The following IL10RB variants were observed in gnomAD, a reference collection of about 807,000 sequenced individuals.
The protein encoded by IL10RB is interleukin-10 receptor subunit beta.
Under a neutral mutation model 38.7 loss-of-function variants are expected in IL10RB, and 30 were observed. That is an observed-to-expected ratio of 0.78 (90% CI 0.58 to 1.05). The LOEUF (loss-of-function observed/expected upper bound fraction) is 1.05. IL10RB is among the 50% of genes least tolerant of loss of function. IL10RB has a pLI of 0.00. For missense variants in IL10RB, 328 were observed against 397.1 expected (o/e 0.83, Z 1.48); for synonymous variants, 142 against 145.9 (o/e 0.97, Z 0.19).
chr21:33,286,652 A>T (rs1339069232), intron 5 of IL10RB, among the ~76,000 whole-genome samples: 1 of 150,362 alleles, frequency 6.7e-6, no homozygotes, highest in Non-Finnish European at 1.5e-5. Context: ...GGAGTTCGAG[A>T]CCAGCCTGGC....
rs71320298 is a variant in IL10RB at position 33,275,152 on chromosome 21, CTT to C, written c.174-1424_174-1423del. Among the ~76,000 whole-genome samples, 344 of 102,260 alleles carry C rather than the reference CTT, an allele frequency of 3.4e-3. 1 individual carries two copies. Among genetic ancestry groups the C allele is most frequent in the African/African-American group, 9.9e-3 (270 of 27,258 alleles). 67.1% of individuals were successfully genotyped at this position (102,260 alleles called of 152,430 possible). ...CAACCTCTGCTAACTTCCAACTTTT[CTT>C]TTTTTTTTTTTTTTTTTTTGAGATG... On this transcript the variant is annotated intron_variant, in intron 2 of 6. Transcript: ENST00000290200.
chr21:33,267,502 G>GTTTGTTTTTT (rs1477718652), intron 1 of IL10RB, among the ~76,000 whole-genome samples: 10 of 102,716 alleles, frequency 9.7e-5, no homozygotes, highest in African/African-American at 3.7e-4. Context: ...TTGTTTGTTT[G>GTTTGTTTTTT]TTTTTTTGTT....
intron 6 of IL10RB, among the ~76,000 whole-genome samples, chr21:33,292,488 C>T (rs758044026): frequency 5.3e-5 from 8 of 152,080 alleles, no homozygotes; most frequent in East Asian, 3.9e-4. Flanking sequence ...GACAGGAGTC[C>T]GAGCCACCTG....
chr21:33,282,991 A>G, intron 4 of IL10RB, 103 bp from the exon 5 acceptor site: 2 of 960,802 alleles, frequency 2.1e-6, no homozygotes, highest in Non-Finnish European at 1.7e-6. Flanking sequence ...GCTCCTTCCT[A>G]TTTTAAGTCT....
Position 33,268,488 on chromosome 21 carries a change from G to A in IL10RB, c.144G>A (p.Gly48=), listed in dbSNP as rs886965637. The change falls in exon 2 of 7, where the codon GGG becomes GGA. Residue 48 remains glycine, a synonymous_variant. Coordinates refer to ENST00000290200, the MANE Select transcript of IL10RB (RefSeq NM_000628.5). ...GGGAGTCACCTGCTTTTGCCAAAGG[G>A]AACCTGACTTTCACAGCTCAGTACC... ...LQWESPAFAK[G]NLTFTAQYLS... is the part of the protein sequence containing the mutation. 54 of 1,613,890 alleles carry A rather than the reference G, an allele frequency of 3.3e-5. No homozygotes were observed. Among genetic ancestry groups the A allele is most frequent in the Non-Finnish European group, 4.5e-5 (53 of 1,179,730 alleles).
At position 33,296,933 on chromosome 21, in the gene IL10RB, GACAAAGTGAGACTCCATCTCAAAAAAAAA is replaced by G. The variant is rs1342140767; in HGVS notation, c.*578_*606del. Reference sequence around the variant, plus strand: ...AGCGGCACTGCACTCCAGCCTGGGTGACAAAGTGAGACTCCATCTCAAAAAAAAAAAAAAAAAAAATTGTGAGAAACAGA... The same window carrying G: ...AGCGGCACTGCACTCCAGCCTGGGTGAAAAAAAAAAATTGTGAGAAACAGA... On this transcript the variant is annotated 3_prime_UTR_variant, in exon 7 of 7. Coordinates refer to ENST00000290200, the MANE Select transcript of IL10RB (RefSeq NM_000628.5). The G allele has an allele frequency of 7.0e-5, 10 of 142,162 alleles. No individual in the cohort carries two copies. Among genetic ancestry groups the G allele is most frequent in the African/African-American group, 2.7e-4 (10 of 36,926 alleles). 8.8% of individuals were successfully genotyped at this position (142,162 alleles called of 1,614,324 possible).
At chr21:33,287,167 G>A (rs1234107227) in intron 5 of IL10RB, among the ~76,000 whole-genome samples, 1 of 152,190 alleles carries the variant, frequency 6.6e-6, no homozygotes, top group African/African-American at 2.4e-5. Flanking sequence ...ACCACTATAA[G>A]CCCTTTTTAA....
intron 2 of IL10RB, among the ~76,000 whole-genome samples, chr21:33,274,015 T>G (rs1601828934): frequency 1.3e-5 from 2 of 152,336 alleles, no homozygotes; most frequent in Admixed American, 6.5e-5. Flanking sequence ...AAACCCCTGT[T>G]AATGTTATAT....
chr21:33,288,288 T>C, intron 6 of IL10RB, 27 bp downstream of exon 6: 2 of 1,604,838 alleles, frequency 1.2e-6, no homozygotes, highest in Non-Finnish European at 1.7e-6. Context: ...GAGATGTGGA[T>C]TTGAAAACCT....
rs1442765573 is a variant in IL10RB at position 33,266,426 on chromosome 21, G to A, written c.-40G>A. The A allele has an allele frequency of 6.5e-7, 1 of 1,536,704 alleles. No homozygotes were observed. Among genetic ancestry groups the A allele is most frequent in the African/African-American group, 1.4e-5 (1 of 72,698 alleles). ...GCTCTCCCGGGCGCGGGCGGGGGTC[G>A]TGTGCTTGGAGGAAGCCGCGGAACC... On this transcript the variant is annotated 5_prime_UTR_variant, in exon 1 of 7. It adds an upstream start codon to the 5' untranslated region. Coordinates refer to ENST00000290200, the MANE Select transcript of IL10RB (RefSeq NM_000628.5).
chr21:33,302,594 G>A (rs758271829), intron 1 of IL10RB, among the ~76,000 whole-genome samples: 11 of 152,300 alleles, frequency 7.2e-5, no homozygotes, highest in Middle Eastern at 3.4e-3. Context: ...ACCTGTTGCC[G>A]CAGAGTGATG....
In IL10RB at chr21:33,296,883, G is replaced by A. The variant is rs2082969561; in HGVS notation, c.*526G>A. The A allele has an allele frequency of 4.2e-6, 1 of 239,332 alleles. No individual in the cohort carries two copies. 14.8% of individuals were successfully genotyped at this position (239,332 alleles called of 1,614,324 possible). Reference sequence around the variant, plus strand: ...GAATTGCATGAACCCGGGAGGAGGAGGAGGAGGTTGCAGTGAGCCGAGATA... The same window carrying A: ...GAATTGCATGAACCCGGGAGGAGGAAGAGGAGGTTGCAGTGAGCCGAGATA... On this transcript the variant is annotated 3_prime_UTR_variant, in exon 7 of 7. Transcript: ENST00000290200.
chr21:33,302,828 G>T (rs1282540847), intron 1 of IL10RB, among the ~76,000 whole-genome samples: 1 of 152,218 alleles, frequency 6.6e-6, no homozygotes, highest in Non-Finnish European at 1.5e-5. Context: ...GACAGGAAAT[G>T]AGGAGTCCGG....
chr21:33,293,439 T>C (rs191477457), intron 6 of IL10RB, among the ~76,000 whole-genome samples: 66 of 152,268 alleles, frequency 4.3e-4, no homozygotes, highest in Non-Finnish European at 7.8e-4. Flanking sequence ...ACAAAAGGGA[T>C]CTGGGCAACA....
chr21:33,279,871 T>C lies in IL10RB; in HGVS notation c.451T>C (p.Ser151Pro). ...TTGGACTATGAAGAATGTGTATAAC[T>C]CATGGACTTATAATGTGCAATACTG... ...ETWTMKNVYNSWTYNVQYWKN... is the reference protein window; with the variant it reads ...ETWTMKNVYNPWTYNVQYWKN... The change falls in exon 4 of 7, where the codon TCA becomes CCA. Residue 151 changes from serine to proline, a missense_variant. Transcript: ENST00000290200. 2 of 1,613,978 alleles carry C rather than the reference T, an allele frequency of 1.2e-6. No homozygotes were observed. Among genetic ancestry groups the C allele is most frequent in the African/African-American group, 2.7e-5 (2 of 75,050 alleles).
In IL10RB at chr21:33,279,937, A is replaced by G. The variant is rs1229705501; in HGVS notation, c.498+19A>G. 3 of 1,607,878 alleles carry G rather than the reference A, an allele frequency of 1.9e-6. No homozygotes were observed. The highest frequency in any genetic ancestry group is 3.3e-5 in the Admixed American group (2 of 60,010). On this transcript the variant is annotated intron_variant, in intron 4 of 6. Coordinates refer to ENST00000290200, the MANE Select transcript of IL10RB (RefSeq NM_000628.5). ...TGAAAAGGTAAGGTTGGCTAATTGC[A>G]TTTCAGAGGTAGTAGGCTTTCATAT...
intron 1 of IL10RB, among the ~76,000 whole-genome samples, chr21:33,267,009 T>TC (rs8178440): frequency 1.3e-3 from 195 of 151,900 alleles, no homozygotes; most frequent in African/African-American, 4.2e-3. Context: ...GCACCTCCCC[T>TC]CCTTCCGGTT....
At chr21:33,284,009 A>G (rs994225295) in intron 5 of IL10RB, among the ~76,000 whole-genome samples, 1 of 152,166 alleles carries the variant, frequency 6.6e-6, no homozygotes, top group Non-Finnish European at 1.5e-5. Context: ...AAAGAAAAAC[A>G]TGTCTGCCGG....
chr21:33,288,480 C>T (rs115359908), intron 6 of IL10RB, among the ~76,000 whole-genome samples: 2,356 of 151,818 alleles, frequency 0.016, 76 homozygotes, highest in African/African-American at 0.054. Context: ...GAAAGGGGCG[C>T]GGGGTTGTCC....
Sources: gnomAD v4.1 joint callset for allele counts (sites outside exome capture counted in the v4.1 genomes callset) on GRCh38, gnomAD v4.1.1 for gene constraint, MANE v1.5 for transcripts, NCBI Gene and HGNC (gene_info 2026-07-23, HGNC 2026-07-21) for gene names.